KIAA1328: variants seen among roughly 807,000 people sequenced by gnomAD.
KIAA1328 encodes KIAA1328.
Under a neutral mutation model 68.1 loss-of-function variants are expected in KIAA1328, and 52 were observed. That is an observed-to-expected ratio of 0.76 (90% CI 0.61 to 0.96). KIAA1328 has a LOEUF of 0.96. Ranked by LOEUF, KIAA1328 falls within the 40% of genes least tolerant of loss-of-function variation. KIAA1328 has a pLI of 0.00. For missense variants in KIAA1328, 641 were observed against 677.6 expected (o/e 0.95, Z 0.60); for synonymous variants, 232 against 239.4 (o/e 0.97, Z 0.28).
At chr18:36,954,958 A>G (rs961205123) in intron 5 of KIAA1328, among the ~76,000 whole-genome samples, 1 of 152,116 alleles carries the variant, frequency 6.6e-6, no homozygotes, top group Non-Finnish European at 1.5e-5. Context: ...TGGCCTCCCA[A>G]AGTGCTGGGA....
intron 4 of KIAA1328, among the ~76,000 whole-genome samples, 154 bp downstream of exon 4, chr18:36,844,456 C>T (rs376469993): frequency 1.1e-3 from 165 of 152,038 alleles, no homozygotes; most frequent in Middle Eastern, 6.8e-3. Flanking sequence ...TCAGAATCCT[C>T]TCAAAAAGCT....
At chr18:36,923,835 C>A (rs2050017990) in intron 5 of KIAA1328, 1 of 152,122 alleles carries the variant, frequency 6.6e-6, no homozygotes, top group African/African-American at 2.4e-5. Context: ...TTATGTAGAA[C>A]ATAAAGAACA....
At chr18:36,957,158 G>A (rs2051452793) in intron 5 of KIAA1328, among the ~76,000 whole-genome samples, 1 of 152,158 alleles carries the variant, frequency 6.6e-6, no homozygotes, top group Non-Finnish European at 1.5e-5. Context: ...ATTAGAGCAA[G>A]AATCTGCCCC....
intron 8 of KIAA1328, among the ~76,000 whole-genome samples, chr18:37,166,736 G>T (rs1191284266): frequency 1.3e-5 from 2 of 152,120 alleles, no homozygotes; most frequent in African/African-American, 2.4e-5. Context: ...CTTTCTCTGG[G>T]CAGAGAGTGG....
chr18:36,844,354 T>C (rs2046958248), intron 4 of KIAA1328, 52 bp downstream of exon 4: 1 of 1,197,414 alleles, frequency 8.4e-7, no homozygotes, highest in Non-Finnish European at 1.2e-6. Context: ...ACAACTCTTA[T>C]TGAAAACAGA....
At chr18:37,124,803 A>C (rs1488603592) in intron 7 of KIAA1328, among the ~76,000 whole-genome samples, 1 of 152,092 alleles carries the variant, frequency 6.6e-6, no homozygotes, top group Non-Finnish European at 1.5e-5. Context: ...TCGTGCTTGT[A>C]GTTTCCTCTG....
chr18:36,908,476 A>G (rs2151059494), intron 5 of KIAA1328, among the ~76,000 whole-genome samples: 1 of 152,194 alleles, frequency 6.6e-6, no homozygotes, highest in Non-Finnish European at 1.5e-5. Flanking sequence ...AGTAGATAGG[A>G]CTACAGTTGC....
At chr18:36,927,825 A>T (rs1398429159) in intron 5 of KIAA1328, among the ~76,000 whole-genome samples, 1 of 151,892 alleles carries the variant, frequency 6.6e-6, no homozygotes, top group African/African-American at 2.4e-5. Flanking sequence ...AAAGAAAAAG[A>T]AAGAAAGGAA....
rs1598760746 is a variant in KIAA1328 at position 36,938,376 on chromosome 18, A to G, written c.449-20932A>G. ...AGTGATGATGAGCATTTTGTCATTT[A>G]TCTCTTGGCCATCTGTAGGTCTTCT... On this transcript the variant is annotated intron_variant, in intron 5 of 9. Coordinates refer to ENST00000280020, the MANE Select transcript of KIAA1328 (RefSeq NM_020776.3). Among the ~76,000 whole-genome samples the G allele has an allele frequency of 3.3e-5, 5 of 151,978 alleles. 1 individual carries two copies. The highest frequency in any genetic ancestry group is 3.3e-4 in the Admixed American group (5 of 15,266).
intron 5 of KIAA1328, among the ~76,000 whole-genome samples, chr18:36,903,213 A>G (rs1434976604): frequency 6.6e-6 from 1 of 152,132 alleles, no homozygotes; most frequent in Non-Finnish European, 1.5e-5. Flanking sequence ...AGCTAGATGA[A>G]TAACAGTAGG....
chr18:37,117,656 A>G (rs1219070697), intron 7 of KIAA1328, among the ~76,000 whole-genome samples: 1 of 152,136 alleles, frequency 6.6e-6, no homozygotes, highest in African/African-American at 2.4e-5. Context: ...AAAAAAAATT[A>G]AAAACATCAT....
At chr18:37,022,310 A>G (rs2054379267) in intron 6 of KIAA1328, among the ~76,000 whole-genome samples, 1 of 152,202 alleles carries the variant, frequency 6.6e-6, no homozygotes, top group South Asian at 2.1e-4. Flanking sequence ...ATAGATTTTA[A>G]TATTTTAAAA....
intron 7 of KIAA1328, among the ~76,000 whole-genome samples, chr18:37,093,202 G>C (rs2057313802): frequency 6.6e-6 from 1 of 152,136 alleles, no homozygotes; most frequent in Admixed American, 6.5e-5. Context: ...TGTTACACTG[G>C]ATGCACAGAT....
At chr18:36,869,863 T>C (rs779563006) in intron 4 of KIAA1328, among the ~76,000 whole-genome samples, 6 of 152,020 alleles carry the variant, frequency 3.9e-5, no homozygotes, top group African/African-American at 9.7e-5. Context: ...TAATTGAAAG[T>C]GTTTATTCTT....
intron 6 of KIAA1328, among the ~76,000 whole-genome samples, chr18:37,051,886 A>G (rs1200793557): frequency 1.3e-5 from 2 of 152,130 alleles, no homozygotes; most frequent in African/African-American, 4.8e-5. Context: ...TACTAAAAAT[A>G]CAAAAATTAG....
intron 4 of KIAA1328, among the ~76,000 whole-genome samples, chr18:36,883,050 C>A (rs1481274440): frequency 2.0e-5 from 3 of 152,070 alleles, no homozygotes; most frequent in Admixed American, 2.0e-4. Context: ...TCACTAAATA[C>A]CTTTTAATAA....
chr18:36,985,097 T>C (rs2052861461), intron 6 of KIAA1328, among the ~76,000 whole-genome samples: 1 of 151,658 alleles, frequency 6.6e-6, no homozygotes, highest in African/African-American at 2.4e-5. Flanking sequence ...AGGGTAGGAG[T>C]TCAAGACCAG....
chr18:36,905,413 T>G (rs1417011194), intron 5 of KIAA1328, among the ~76,000 whole-genome samples: 1 of 152,034 alleles, frequency 6.6e-6, no homozygotes, highest in Non-Finnish European at 1.5e-5. Flanking sequence ...TGCCTGGCCT[T>G]GTAAGGATAT....
chr18:37,077,234 T>C (rs55838815), intron 7 of KIAA1328, among the ~76,000 whole-genome samples: 35,220 of 117,224 alleles, frequency 0.3, 7,212 homozygotes, highest in African/African-American at 0.47. Flanking sequence ...AGACAAAAAC[T>C]GCACGATTAT....
Sources: allele counts gnomAD v4.1 joint callset (sites outside exome capture counted in the v4.1 genomes callset), GRCh38; gene constraint gnomAD v4.1.1; transcripts MANE v1.5; gene names NCBI Gene and HGNC (gene_info 2026-07-23, HGNC 2026-07-21).